The following NCOR1 variants were observed in gnomAD, a reference collection of about 807,000 sequenced individuals.
NCOR1 encodes the protein nuclear receptor corepressor 1, also known as protein phosphatase 1, regulatory subunit 109.
NCOR1 carries 63 observed loss-of-function variants against 288.1 expected under a neutral mutation model. The ratio of observed to expected loss-of-function variants is 0.22; its 90% confidence interval spans 0.18 to 0.27. The LOEUF is 0.27. Among genes scored for constraint, NCOR1 ranks in the 10% least tolerant of loss-of-function variants. The pLI is 1.00. For missense variants in NCOR1, 2,397 were observed against 3,019.2 expected (o/e 0.79, Z 4.83); for synonymous variants, 1,007 against 1,065.9 (o/e 0.94, Z 1.08).
chr17:16,147,868 G>T (rs1243763523), intron 9 of NCOR1, among the ~76,000 whole-genome samples: 1 of 152,166 alleles, frequency 6.6e-6, no homozygotes, highest in Non-Finnish European at 1.5e-5. Context: ...GCCCAGGCTG[G>T]AGTGCAGTGG....
At chr17:16,171,511 T>C (rs979350921) in intron 4 of NCOR1, among the ~76,000 whole-genome samples, 1 of 152,224 alleles carries the variant, frequency 6.6e-6, no homozygotes, top group African/African-American at 2.4e-5. Flanking sequence ...CCACATTTTA[T>C]AGCCAGCAAG....
intron 16 of NCOR1, 82 bp from the exon 17 acceptor site, chr17:16,119,567 T>G: frequency 1.1e-6 from 1 of 927,518 alleles, no homozygotes; most frequent in African/African-American, 1.7e-5. Flanking sequence ...ATTATATCTC[T>G]TTATCTGACA....
intron 40 of NCOR1, among the ~76,000 whole-genome samples, chr17:16,055,382 G>C (rs1050303212): frequency 2.4e-4 from 37 of 152,224 alleles, no homozygotes; most frequent in African/African-American, 8.4e-4. Flanking sequence ...CAGGGACATG[G>C]ATGGAGCTGG....
At chr17:16,197,418 G>C (rs2090051242) in intron 1 of NCOR1, among the ~76,000 whole-genome samples, 1 of 152,034 alleles carries the variant, frequency 6.6e-6, no homozygotes, top group South Asian at 2.1e-4. Context: ...CATGTTTCCT[G>C]CTGTTGTGAA....
chr17:16,170,728 G>A (rs1052496859), intron 4 of NCOR1, among the ~76,000 whole-genome samples: 11 of 151,820 alleles, frequency 7.2e-5, no homozygotes, highest in Non-Finnish European at 1.2e-4. Context: ...CCAGCTACTC[G>A]GGAGGCTGAA....
chr17:16,181,476 G>C (rs2085475224), intron 3 of NCOR1, among the ~76,000 whole-genome samples: 1 of 151,562 alleles, frequency 6.6e-6, no homozygotes, highest in African/African-American at 2.4e-5. Flanking sequence ...AGGAGATGGA[G>C]GTCAAAGGAT....
At position 16,158,973 on chromosome 17, in the gene NCOR1, G is replaced by A. The variant is rs563364567; in HGVS notation, c.619-100C>T. ...CACAGGCTACTAAGCTTTGCTTGCA[G>A]ATTCTGTAGGGTAACCAATTAATCC... On this transcript the variant is annotated intron_variant, in intron 5 of 45. Coordinates refer to ENST00000268712, the MANE Select transcript of NCOR1 (RefSeq NM_006311.4). 3 of 664,132 alleles carry A rather than the reference G, an allele frequency of 4.5e-6. No individual in the cohort carries two copies. The East Asian group carries it at 8.6e-5, about 19-fold the overall frequency. The allele number at this position is 664,132 out of a possible 1,614,324, so 41.1% of individuals were successfully genotyped here.
In NCOR1 at chr17:16,116,807, C is replaced by A. The variant is rs146348492; in HGVS notation, c.2055+1081G>T. Among the ~76,000 whole-genome samples the A allele has an allele frequency of 8.5e-5, 13 of 152,270 alleles. No individual in the cohort carries two copies. In the East Asian group the frequency reaches 2.3e-3, roughly 27 times the overall value. On this transcript the variant is annotated intron_variant, in intron 18 of 45. Transcript: ENST00000268712. ...GATTTAATAAAATTAACTTTTACTGCGTCATCAAGGACATTCTTAAGTGAC... is the reference window on the plus strand; with the variant it reads ...GATTTAATAAAATTAACTTTTACTGAGTCATCAAGGACATTCTTAAGTGAC...
chr17:16,166,615 G>A (rs993999160), intron 4 of NCOR1, among the ~76,000 whole-genome samples: 1 of 152,036 alleles, frequency 6.6e-6, no homozygotes, highest in Non-Finnish European at 1.5e-5. Context: ...AGGAGGCAGA[G>A]GTTGCAGTGA....
intron 21 of NCOR1, among the ~76,000 whole-genome samples, chr17:16,092,681 A>ATG (rs1806832024): frequency 5.0e-5 from 1 of 19,944 alleles, no homozygotes; most frequent in African/African-American, 2.3e-4. Context: ...ATATATATAT[A>ATG]TATATATATA....
At chr17:16,053,766 A>G (rs1296302452) in intron 40 of NCOR1, among the ~76,000 whole-genome samples, 2 of 152,178 alleles carry the variant, frequency 1.3e-5, no homozygotes, top group Non-Finnish European at 2.9e-5. Context: ...ACAAAGCTGT[A>G]GGTGTCATAC....
chr17:16,085,354 C>T (rs1176582973), intron 23 of NCOR1, among the ~76,000 whole-genome samples: 3 of 152,154 alleles, frequency 2.0e-5, no homozygotes, highest in Admixed American at 6.5e-5. Flanking sequence ...AAAACATACA[C>T]AAACCTAGTA....
chr17:16,049,657 G>A (rs1313300717), intron 40 of NCOR1, among the ~76,000 whole-genome samples: 2 of 150,640 alleles, frequency 1.3e-5, no homozygotes, highest in Non-Finnish European at 2.9e-5. Context: ...TCAGCTCACT[G>A]CAACCTCTGC....
intron 44 of NCOR1, chr17:16,039,087 A>T: frequency 4.7e-6 from 1 of 210,600 alleles, no homozygotes; most frequent in East Asian, 1.1e-4. Flanking sequence ...TTTCTTTTCT[A>T]CTGAGCCTAA....
chr17:16,075,615 G>C lies in NCOR1; in HGVS notation c.3589C>G (p.Pro1197Ala), dbSNP rs1487860817. The C allele has an allele frequency of 1.2e-6, 2 of 1,613,966 alleles. No individual in the cohort carries two copies. The highest frequency in any genetic ancestry group is 1.7e-6 in the Non-Finnish European group (2 of 1,180,040). ...ISRMPIEDSS[P>A]EKGREEAASK... is the part of the protein sequence containing the mutation. ...GCAGCTTCCTCTCTGCCTTTCTCAGGACTGCTGTCTTCAATGGGCATTCTC... is the reference window on the plus strand; with the variant it reads ...GCAGCTTCCTCTCTGCCTTTCTCAGCACTGCTGTCTTCAATGGGCATTCTC... Residue 1197 changes from proline (P) to alanine (A), a missense_variant, in exon 27 of 46, where the codon CCT (proline) becomes GCT (alanine). Pro to Ala is a conservative substitution (Grantham distance 27). Coordinates refer to ENST00000268712, the MANE Select transcript of NCOR1 (RefSeq NM_006311.4).
At chr17:16,162,990 A>G (rs1182091830) in intron 5 of NCOR1, among the ~76,000 whole-genome samples, 1 of 152,164 alleles carries the variant, frequency 6.6e-6, no homozygotes, top group East Asian at 1.9e-4. Flanking sequence ...GGGTTTTCAT[A>G]TAAAACCTAA....
intron 40 of NCOR1, among the ~76,000 whole-genome samples, chr17:16,051,035 C>T (rs1183169468): frequency 6.6e-6 from 1 of 152,046 alleles, no homozygotes; most frequent in African/African-American, 2.4e-5. Flanking sequence ...GATGGGGTCT[C>T]ACTACATTGC....
At chr17:16,154,008 C>G (rs887502778) in intron 6 of NCOR1, among the ~76,000 whole-genome samples, 1 of 142,192 alleles carries the variant, frequency 7.0e-6, no homozygotes. Context: ...TTGTAATATG[C>G]TATTTCCTTT....
chr17:16,152,827 C>A (rs1193272496), intron 7 of NCOR1, among the ~76,000 whole-genome samples: 3 of 152,086 alleles, frequency 2.0e-5, no homozygotes, highest in Non-Finnish European at 4.4e-5. Flanking sequence ...TGTTTCCTGA[C>A]TTTTTAATGA....
Sources: gnomAD v4.1 joint callset for allele counts (sites outside exome capture counted in the v4.1 genomes callset) on GRCh38, gnomAD v4.1.1 for gene constraint, MANE v1.5 for transcripts, NCBI Gene and HGNC (gene_info 2026-07-23, HGNC 2026-07-21) for gene names.